The following HSD17B4 variants were observed in gnomAD, a reference collection of about 807,000 sequenced individuals.
HSD17B4 encodes the protein hydroxysteroid 17-beta dehydrogenase 4, also known as peroxisomal multifunctional enzyme type 2.
A neutral mutation model predicts 101.0 loss-of-function variants in HSD17B4; 70 were observed. The observed-to-expected ratio is 0.69, with a 90% confidence interval of 0.57 to 0.85. The LOEUF is 0.85. Among genes scored for constraint, HSD17B4 ranks in the 40% least tolerant of loss-of-function variants. The probability of loss-of-function intolerance (pLI) is 0.00; values close to 1 mark genes in which losing one functional copy is unlikely to be tolerated. For missense variants in HSD17B4, 984 were observed against 892.4 expected, an observed-to-expected ratio of 1.10 and a Z score of -1.31; for synonymous variants, 347 against 297.1, an observed-to-expected ratio of 1.17 and a Z score of -1.73.
At chr5:119,455,095 A>G (rs992099878) in intron 1 of HSD17B4, among the ~76,000 whole-genome samples, 2 of 152,266 alleles carry the variant, frequency 1.3e-5, no homozygotes, top group African/African-American at 4.8e-5. Flanking sequence ...AATGTAAACA[A>G]TACAGAAAAA....
intron 22 of HSD17B4, 97 bp downstream of exon 22, chr5:119,531,501 TA>T (rs1754102762): frequency 7.8e-7 from 1 of 1,276,596 alleles, no homozygotes; most frequent in Non-Finnish European, 1.1e-6. Context: ...AGGTAAATCT[TA>T]CCTTTTTAGG....
chr5:119,461,924 A>G (rs576080576), intron 2 of HSD17B4, among the ~76,000 whole-genome samples: 1 of 152,284 alleles, frequency 6.6e-6, no homozygotes, highest in African/African-American at 2.4e-5. Context: ...TACATTCCCA[A>G]TATAGCACGT....
At chr5:119,504,729 T>G (rs1326700162) in intron 14 of HSD17B4, among the ~76,000 whole-genome samples, 1 of 152,114 alleles carries the variant, frequency 6.6e-6, no homozygotes, top group Non-Finnish European at 1.5e-5. Flanking sequence ...CTTTAGGTTG[T>G]CTGTTTACTC....
At chr5:119,536,786 A>T (rs1475408939) in intron 23 of HSD17B4, among the ~76,000 whole-genome samples, 1 of 152,062 alleles carries the variant, frequency 6.6e-6, no homozygotes, top group Non-Finnish European at 1.5e-5. Context: ...ATATTCTGTT[A>T]TGTGTTCAAA....
chr5:119,526,995 C>G (rs1753658593), intron 19 of HSD17B4, 138 bp from the exon 20 acceptor site: 1 of 637,810 alleles, frequency 1.6e-6, no homozygotes, highest in Non-Finnish European at 2.8e-6. Flanking sequence ...ATACTTAGGT[C>G]TTTTATGAAT....
chr5:119,509,723 C>T (rs543545680), intron 16 of HSD17B4, among the ~76,000 whole-genome samples: 11 of 152,098 alleles, frequency 7.2e-5, no homozygotes, highest in African/African-American at 2.7e-4. Flanking sequence ...TACAAATGCT[C>T]GATTTGCTCA....
intron 15 of HSD17B4, among the ~76,000 whole-genome samples, chr5:119,507,658 C>A (rs567140885): frequency 6.6e-6 from 1 of 151,676 alleles, no homozygotes; most frequent in Non-Finnish European, 1.5e-5. Flanking sequence ...GTGGCGGGCG[C>A]CTGTAGTCCC....
chr5:119,493,402 C>T (rs1441445821), intron 10 of HSD17B4: 2 of 182,360 alleles, frequency 1.1e-5, no homozygotes, highest in East Asian at 1.5e-4. Context: ...CTATTATTTA[C>T]TATTAGTCTT....
intron 21 of HSD17B4, among the ~76,000 whole-genome samples, chr5:119,530,391 A>G (rs1234024276): frequency 6.6e-6 from 1 of 152,122 alleles, no homozygotes; most frequent in African/African-American, 2.4e-5. Context: ...TTATTAAAAC[A>G]TTGTATTATT....
chr5:119,485,910 G>A (rs930757320), intron 8 of HSD17B4, among the ~76,000 whole-genome samples: 28 of 152,176 alleles, frequency 1.8e-4, no homozygotes, highest in Admixed American at 1.7e-3. Context: ...CTGGGGTCAG[G>A]AATTTAGCCT....
At chr5:119,480,823 C>G (rs902400340) in intron 8 of HSD17B4, among the ~76,000 whole-genome samples, 27 of 152,108 alleles carry the variant, frequency 1.8e-4, no homozygotes, top group Non-Finnish European at 3.7e-4. Flanking sequence ...AGAGACCTAC[C>G]CCTAGGTGCG....
At chr5:119,502,363 A>G (rs1040337375) in intron 14 of HSD17B4, among the ~76,000 whole-genome samples, 5 of 152,140 alleles carry the variant, frequency 3.3e-5, no homozygotes, top group African/African-American at 9.7e-5. Flanking sequence ...ACGTTCGTGT[A>G]TGTGCTCTAG....
chr5:119,466,044 A>C (rs1486677861), intron 2 of HSD17B4, among the ~76,000 whole-genome samples: 1 of 152,168 alleles, frequency 6.6e-6, no homozygotes, highest in African/African-American at 2.4e-5. Context: ...GGAATATTGA[A>C]TGTTACCACA....
At chr5:119,511,290 T>A (rs1256682934) in intron 16 of HSD17B4, among the ~76,000 whole-genome samples, 1 of 152,054 alleles carries the variant, frequency 6.6e-6, no homozygotes, top group East Asian at 1.9e-4. Flanking sequence ...GTGACTGTAG[T>A]GATAAGCAAT....
At chr5:119,495,395 A>G (rs1402399983) in intron 11 of HSD17B4, among the ~76,000 whole-genome samples, 2 of 152,202 alleles carry the variant, frequency 1.3e-5, no homozygotes, top group East Asian at 1.9e-4. Context: ...GATCTTTTCG[A>G]TAAGAATTGA....
At chr5:119,525,530 A>G (rs987683818) in intron 18 of HSD17B4, among the ~76,000 whole-genome samples, 8 of 152,128 alleles carry the variant, frequency 5.3e-5, no homozygotes, top group African/African-American at 1.9e-4. Context: ...TAGGACCACG[A>G]GGGTGGGTGT....
intron 17 of HSD17B4, among the ~76,000 whole-genome samples, chr5:119,519,830 T>G (rs189187136): frequency 3.7e-4 from 56 of 152,342 alleles, no homozygotes; most frequent in African/African-American, 1.3e-3. Flanking sequence ...CATAATTTTT[T>G]ATAATTCTGC....
In HSD17B4 at chr5:119,527,135, T is replaced by C. The variant is rs1239645507; in HGVS notation, c.1683T>C (p.Ala561=). 3.8e-6 allele frequency: 6 copies of C among 1,582,196 alleles called. No homozygotes were observed. The highest frequency in any genetic ancestry group is 5.2e-6 in the Non-Finnish European group (6 of 1,151,558). Residue 561 remains alanine, a splice_region_variant and synonymous_variant, in exon 20 of 24, where the codon GCT becomes GCC. Coordinates refer to ENST00000510025, the MANE Select transcript of HSD17B4 (RefSeq NM_000414.4). The part of the protein sequence containing the change: ...NDVSRFKAIK[A]RFAKPVYPGQ... The stretch of plus-strand genomic sequence containing the variant: ...AACCCCACAATTCTTTTTTAAAGGC[T>C]CGTTTTGCAAAACCAGTATATCCAG...
chr5:119,477,467 G>A lies in HSD17B4; in HGVS notation c.400G>A (p.Ala134Thr). The A allele has an allele frequency of 6.2e-7, 1 of 1,612,910 alleles. No individual in the cohort carries two copies. The highest frequency in any genetic ancestry group is 8.5e-7 in the Non-Finnish European group (1 of 1,178,980). ...GGGTTCATTCCAAGTGACACGGGCA[G>A]CATGGGAACACATGAAGAAACAGAA... is the stretch of plus-strand genomic sequence containing the variant. ...LRGSFQVTRAAWEHMKKQKYG... is the reference protein window; with the variant it reads ...LRGSFQVTRATWEHMKKQKYG... Residue 134 changes from alanine to threonine, a missense_variant, in exon 7 of 24, where the codon GCA becomes ACA. Ala to Thr is a moderately conservative substitution (Grantham distance 58). Coordinates refer to ENST00000510025, the MANE Select transcript of HSD17B4 (RefSeq NM_000414.4).
Sources: gnomAD v4.1 joint callset for allele counts (sites outside exome capture counted in the v4.1 genomes callset) on GRCh38, gnomAD v4.1.1 for gene constraint, MANE v1.5 for transcripts, NCBI Gene and HGNC (gene_info 2026-07-23, HGNC 2026-07-21) for gene names.